Variants in XKR6 observed in about 807,000 individuals in gnomAD.
XKR6 encodes XK-related protein 6.
Under a neutral mutation model 56.7 loss-of-function variants are expected in XKR6, and 22 were observed. The ratio of observed to expected loss-of-function variants is 0.39; its 90% CI spans 0.28 to 0.55. The LOEUF (loss-of-function observed/expected upper bound fraction) is 0.55. Among genes scored for constraint, XKR6 ranks in the 20% least tolerant of loss-of-function variants. XKR6 has a pLI of 0.66. For missense variants in XKR6, 852 were observed against 889.0 expected (o/e 0.96, Z 0.53); for synonymous variants, 524 against 387.8 (o/e 1.35, Z -4.13).
chr8:10,912,586 A>AG (rs1800428097), intron 2 of XKR6, among the ~76,000 whole-genome samples: 1 of 141,164 alleles, frequency 7.1e-6, no homozygotes, highest in South Asian at 2.2e-4. Flanking sequence ...GTGTGTGCAT[A>AG]TATATATGTA....
intron 1 of XKR6, among the ~76,000 whole-genome samples, chr8:11,032,988 T>C (rs1325091897): frequency 6.6e-6 from 1 of 152,136 alleles, no homozygotes; most frequent in Non-Finnish European, 1.5e-5. Context: ...ATGGTGATGG[T>C]TGTGATGATG....
rs2117180018 is a variant in XKR6, at chr8:11,201,501, TC to T, written c.-163del. ...GGGGGGAGTGGGCCAGGGAACCCCC[TC>T]CGCTTCCGGGTAGTTGGCGTCACTT... On this transcript the variant is annotated 5_prime_UTR_variant, in exon 1 of 3. Coordinates refer to ENST00000416569, the MANE Select transcript of XKR6 (RefSeq NM_173683.4). 3.6e-6 allele frequency: 2 copies of T among 559,406 alleles called. No individual in the cohort carries two copies. Among genetic ancestry groups the T allele is most frequent in the East Asian group, 3.4e-5 (1 of 29,702 alleles). The allele number at this position is 559,406 out of a possible 1,614,324, so 34.7% of individuals were successfully genotyped here. A position where few individuals can be genotyped will look rare whatever the true frequency, so the allele number is the denominator to read the frequency against.
intron 1 of XKR6, among the ~76,000 whole-genome samples, chr8:11,083,209 C>G (rs1797784911): frequency 6.6e-6 from 1 of 152,218 alleles, no homozygotes; most frequent in Non-Finnish European, 1.5e-5. Context: ...ATCCACCACA[C>G]ACATGGCTCA....
chr8:11,123,114 G>A (rs1799537675), intron 1 of XKR6, among the ~76,000 whole-genome samples: 1 of 151,910 alleles, frequency 6.6e-6, no homozygotes, highest in South Asian at 2.1e-4. Flanking sequence ...GCACACACCT[G>A]CAATGCCAGC....
chr8:11,132,265 T>C (rs568043428), intron 1 of XKR6, among the ~76,000 whole-genome samples: 4 of 152,294 alleles, frequency 2.6e-5, no homozygotes, highest in South Asian at 4.1e-4. Context: ...TCACAGGTGG[T>C]ACTTACAGAG....
rs567653659 is a variant in XKR6, at chr8:11,127,926, G to A, written c.764+72650C>T. Among the ~76,000 whole-genome samples the A allele has an allele frequency of 7.6e-4, 115 of 152,242 alleles. 1 individual carries two copies. Among genetic ancestry groups the A allele is most frequent in the African/African-American group, 2.6e-3 (110 of 41,540 alleles). On this transcript the variant is annotated intron_variant, in intron 1 of 2. Transcript: ENST00000416569. ...ATTTTATCTTAAAATTTTGAACACT[G>A]TTACCTAAGGAGGACATGGCTATTT...
chr8:10,973,039 G>A (rs1048554141), intron 1 of XKR6, among the ~76,000 whole-genome samples: 1 of 152,162 alleles, frequency 6.6e-6, no homozygotes, highest in Non-Finnish European at 1.5e-5. Context: ...GCTGTTTCTG[G>A]TTTCTTGATA....
chr8:10,998,202 C>G (rs1185646249), intron 1 of XKR6, among the ~76,000 whole-genome samples: 2 of 152,030 alleles, frequency 1.3e-5, no homozygotes, highest in Non-Finnish European at 2.9e-5. Context: ...GACAGCTAGC[C>G]TTGCACAAGG....
chr8:11,094,912 G>A (rs1250387890), intron 1 of XKR6, among the ~76,000 whole-genome samples: 3 of 152,230 alleles, frequency 2.0e-5, no homozygotes, highest in Non-Finnish European at 4.4e-5. Context: ...AGAGCATCAG[G>A]AAGAGCAGCT....
At chr8:11,063,684 G>A (rs1265179711) in intron 1 of XKR6, among the ~76,000 whole-genome samples, 1 of 152,124 alleles carries the variant, frequency 6.6e-6, no homozygotes, top group African/African-American at 2.4e-5. Flanking sequence ...TTTAATATAT[G>A]GGGAGAGGCC....
At chr8:11,165,258 C>T (rs1206333773) in intron 1 of XKR6, among the ~76,000 whole-genome samples, 3 of 151,978 alleles carry the variant, frequency 2.0e-5, no homozygotes, top group African/African-American at 7.3e-5. Context: ...CACCACCACA[C>T]CTAGCTAATT....
intron 1 of XKR6, among the ~76,000 whole-genome samples, chr8:11,032,020 C>A (rs1203276879): frequency 6.6e-6 from 1 of 152,210 alleles, no homozygotes; most frequent in Non-Finnish European, 1.5e-5. Context: ...CCATTCAGGG[C>A]TTCTGAGACA....
chr8:11,116,687 T>C (rs1438205215), intron 1 of XKR6, among the ~76,000 whole-genome samples: 2 of 152,296 alleles, frequency 1.3e-5, no homozygotes, highest in South Asian at 2.1e-4. Flanking sequence ...CTACCATTCG[T>C]TGGCAAGAAC....
chr8:11,038,605 G>A (rs1026492498), intron 1 of XKR6, among the ~76,000 whole-genome samples: 1 of 151,366 alleles, frequency 6.6e-6, no homozygotes, highest in Admixed American at 6.6e-5. Flanking sequence ...TATGATCACA[G>A]CTCACTGCAG....
chr8:11,125,918 C>T (rs1243922091), intron 1 of XKR6: 3 of 152,254 alleles, frequency 2.0e-5, no homozygotes, highest in Non-Finnish European at 4.4e-5. Context: ...AGCCTAATGC[C>T]ATGTTGCTTC....
At chr8:10,917,549 G>A (rs73535410) in intron 2 of XKR6, among the ~76,000 whole-genome samples, 252 of 152,356 alleles carry the variant, frequency 1.7e-3, no homozygotes, top group African/African-American at 5.7e-3. Context: ...TGGGGTCAGA[G>A]GTCACTCTAG....
At position 11,195,106 on chromosome 8, in the gene XKR6, A is replaced by G. The variant is rs577577814; in HGVS notation, c.764+5470T>C. 5 of 703,042 alleles carry G rather than the reference A, an allele frequency of 7.1e-6. No homozygotes were observed. In the South Asian group the frequency reaches 7.4e-5, roughly 10 times the overall value. The allele number at this position is 703,042 out of a possible 1,614,324, so 43.6% of individuals were successfully genotyped here. On this transcript the variant is annotated intron_variant, in intron 1 of 2. Coordinates refer to ENST00000416569, the MANE Select transcript of XKR6 (RefSeq NM_173683.4). ...ACCCACTTACCCTCACAGCTAAGCA[A>G]GTATTTCTGGATTTTTCAGATGGGA... is the stretch of plus-strand genomic sequence containing the variant.
chr8:11,127,394 T>C (rs536275963), intron 1 of XKR6, among the ~76,000 whole-genome samples: 96 of 152,240 alleles, frequency 6.3e-4, no homozygotes, highest in Non-Finnish European at 1.3e-3. Flanking sequence ...CTATAGCAGA[T>C]GTAACAAATT....
chr8:10,967,886 G>C (rs1294413328), intron 1 of XKR6, among the ~76,000 whole-genome samples: 1 of 152,208 alleles, frequency 6.6e-6, no homozygotes, highest in African/African-American at 2.4e-5. Flanking sequence ...ATGCGCTAGA[G>C]AGCAGGAGGA....
Sources: gnomAD v4.1 joint callset for allele counts (sites outside exome capture counted in the v4.1 genomes callset) on GRCh38, gnomAD v4.1.1 for gene constraint, MANE v1.5 for transcripts, NCBI Gene and HGNC (gene_info 2026-07-23, HGNC 2026-07-21) for gene names.